AKR1B15: variants seen among roughly 807,000 people sequenced by gnomAD.
The protein encoded by AKR1B15 is estradiol 17-beta-dehydrogenase AKR1B15.
A neutral mutation model predicts 38.5 loss-of-function variants in AKR1B15; 49 were observed. The observed-to-expected ratio is 1.27, with a 90% CI of 1.01 to 1.62. The LOEUF is 1.62. AKR1B15 is among the 40% of genes most tolerant of loss of function. AKR1B15 has a pLI of 0.00. For synonymous variants in AKR1B15, 137 were observed against 135.5 expected (o/e 1.01, Z -0.08); for missense variants, 411 against 381.6 (o/e 1.08, Z -0.64).
chr7:134,563,486 T>C (rs1794466927), intron 2 of AKR1B15, among the ~76,000 whole-genome samples: 1 of 152,126 alleles, frequency 6.6e-6, no homozygotes, highest in Non-Finnish European at 1.5e-5. Flanking sequence ...AGACAGAGGT[T>C]GCAGTGAGCC....
chr7:134,565,037 C>A, intron 3 of AKR1B15: 1 of 327,490 alleles, frequency 3.1e-6, no homozygotes, highest in Non-Finnish European at 5.6e-6. Flanking sequence ...CCAATCAGCA[C>A]TCTGTAAAAT....
intron 11 of AKR1B15, 149 bp from the exon 12 acceptor site, chr7:134,579,358 C>T: frequency 1.6e-6 from 1 of 619,132 alleles, no homozygotes; most frequent in Non-Finnish European, 2.7e-6. Flanking sequence ...GAAGGAAGGT[C>T]AAGGTGTAAG....
rs148734972 is a variant in AKR1B15, at chr7:134,562,636, ACAATCCT to A, written c.-22-1960_-22-1954del. Among the ~76,000 whole-genome samples the A allele has an allele frequency of 6.5e-3, 994 of 152,224 alleles. 10 individuals are homozygous for A. The highest frequency in any genetic ancestry group is 0.023 in the African/African-American group (947 of 41,542). On this transcript the variant is annotated intron_variant, in intron 2 of 11. Coordinates refer to ENST00000457545, the MANE Select transcript of AKR1B15 (RefSeq NM_001080538.3). ...TACAGAGTGCTGATTGGTGCATCTT[ACAATCCT>A]CTTGTAAGATAGAAAATTTCTCCGA...
At chr7:134,566,926 T>C (rs1585804172) in intron 3 of AKR1B15, among the ~76,000 whole-genome samples, 1 of 152,216 alleles carries the variant, frequency 6.6e-6, no homozygotes, top group African/African-American at 2.4e-5. Flanking sequence ...CACTTCCAGA[T>C]CTCCAGGGAA....
intron 1 of AKR1B15, among the ~76,000 whole-genome samples, chr7:134,549,718 T>G (rs1185278803): frequency 6.6e-6 from 1 of 152,126 alleles, no homozygotes; most frequent in East Asian, 1.9e-4. Flanking sequence ...ATCTGACTGA[T>G]CCCATCACGG....
At chr7:134,575,600 G>A (rs190889650) in intron 7 of AKR1B15, 58 bp downstream of exon 7, 97 of 1,605,818 alleles carry the variant, frequency 6.0e-5, no homozygotes, top group Non-Finnish European at 7.1e-5. Flanking sequence ...TAAACATTGC[G>A]GGGGGAATGT....
At position 134,572,324 on chromosome 7, in the gene AKR1B15, T is replaced by G. The variant is rs1420521196; in HGVS notation, c.513+643T>G. Reference sequence around the variant, plus strand: ...AGTCCAACCACCAAAACCATCAGCATGGTGCTTGGTAAGCAGTGAACACAC... The same window carrying G: ...AGTCCAACCACCAAAACCATCAGCAGGGTGCTTGGTAAGCAGTGAACACAC... On this transcript the variant is annotated intron_variant, in intron 6 of 11. Transcript: ENST00000457545. Among the ~76,000 whole-genome samples the G allele has an allele frequency of 2.6e-5, 4 of 152,144 alleles. No homozygotes were observed. The East Asian group carries it at 7.7e-4, about 29-fold the overall frequency.
At chr7:134,566,389 C>T (rs781112975) in intron 3 of AKR1B15, among the ~76,000 whole-genome samples, 2 of 152,146 alleles carry the variant, frequency 1.3e-5, no homozygotes, top group Non-Finnish European at 2.9e-5. Flanking sequence ...TAGGTGGTTC[C>T]TGTACACATT....
Position 134,553,194 on chromosome 7 carries a change from G to A in AKR1B15, c.-146-3542G>A, listed in dbSNP as rs773596735. 1.1e-4 allele frequency among the ~76,000 whole-genome samples: 17 copies of A among 152,230 alleles called. No homozygotes were observed. In the East Asian group the frequency reaches 1.3e-3, roughly 12 times the overall value. ...ACAGGTACATGAATTCCTGGGCACC[G>A]TGGGATATGGTCGCCTATAGATATT... is the stretch of plus-strand genomic sequence containing the variant. On this transcript the variant is annotated intron_variant, in intron 1 of 11. Transcript: ENST00000457545.
At chr7:134,551,453 C>CA (rs1265617453) in intron 1 of AKR1B15, among the ~76,000 whole-genome samples, 1 of 152,212 alleles carries the variant, frequency 6.6e-6, no homozygotes, top group African/African-American at 2.4e-5. Flanking sequence ...CACCGGCCCA[C>CA]CTGGGATGAG....
intron 2 of AKR1B15, among the ~76,000 whole-genome samples, chr7:134,563,441 A>G (rs2117643450): frequency 6.6e-6 from 1 of 152,270 alleles, no homozygotes; most frequent in African/African-American, 2.4e-5. Context: ...GCAGCTATTC[A>G]GGATGCTGAG....
At chr7:134,566,430 G>A (rs1794536666) in intron 3 of AKR1B15, among the ~76,000 whole-genome samples, 1 of 152,216 alleles carries the variant, frequency 6.6e-6, no homozygotes. Context: ...ACTGCAGAGA[G>A]CCTGGGCTGG....
chr7:134,565,938 C>T (rs1794523615), intron 3 of AKR1B15, among the ~76,000 whole-genome samples: 1 of 152,118 alleles, frequency 6.6e-6, no homozygotes, highest in South Asian at 2.1e-4. Context: ...CCTGGCACCA[C>T]TTTGCAGATC....
At chr7:134,549,303 C>T (rs1191503655) in intron 1 of AKR1B15, 54 bp downstream of exon 1, 1 of 152,378 alleles carries the variant, frequency 6.6e-6, no homozygotes, top group African/African-American at 2.4e-5. Context: ...TGACGAAGGT[C>T]CTCCCTCAGA....
intron 11 of AKR1B15, 117 bp downstream of exon 11, chr7:134,577,903 G>A (rs1794800457): frequency 8.2e-7 from 1 of 1,220,320 alleles, no homozygotes; most frequent in East Asian, 2.6e-5. Context: ...TACTATTTTG[G>A]GGCAGTTTTG....
chr7:134,553,619 T>C (rs931252672), intron 1 of AKR1B15, among the ~76,000 whole-genome samples: 7 of 152,214 alleles, frequency 4.6e-5, no homozygotes, highest in Non-Finnish European at 1.0e-4. Flanking sequence ...AAAGTGCTTC[T>C]GGCAAATGGA....
In AKR1B15 at chr7:134,571,146, C is replaced by G. The variant is rs571544132; in HGVS notation, c.436-458C>G. Among the ~76,000 whole-genome samples the G allele has an allele frequency of 2.0e-5, 3 of 152,324 alleles. No homozygotes were observed. The East Asian group carries it at 5.8e-4, about 29-fold the overall frequency. On this transcript the variant is annotated intron_variant, in intron 5 of 11. Transcript: ENST00000457545. Reference sequence around the variant, plus strand: ...GGGGGAGACAAATTTCCAGCTCTCTCCCCTCCTGACCAGCTGGAGTGATGA... The same window carrying G: ...GGGGGAGACAAATTTCCAGCTCTCTGCCCTCCTGACCAGCTGGAGTGATGA...
intron 6 of AKR1B15, chr7:134,573,263 T>A: frequency 7.3e-6 from 4 of 551,200 alleles, no homozygotes; most frequent in Non-Finnish European, 9.2e-6. Context: ...ACTCCTGACC[T>A]CAAGGGATCC....
chr7:134,571,065 G>A (rs749830464), intron 5 of AKR1B15, among the ~76,000 whole-genome samples: 33 of 152,326 alleles, frequency 2.2e-4, no homozygotes, highest in Non-Finnish European at 4.0e-4. Flanking sequence ...AAGGAAGCCA[G>A]TAGTGATCCC....
Sources: gnomAD v4.1 joint callset for allele counts (sites outside exome capture counted in the v4.1 genomes callset) on GRCh38, gnomAD v4.1.1 for gene constraint, MANE v1.5 for transcripts, NCBI Gene and HGNC (gene_info 2026-07-23, HGNC 2026-07-21) for gene names.